Variants in DNM2 observed in about 807,000 individuals in gnomAD.
DNM2 encodes dynamin-2.
Under a neutral mutation model 99.0 loss-of-function variants are expected in DNM2, and 15 were observed. The ratio of observed to expected loss-of-function variants is 0.15; its 90% CI spans 0.10 to 0.23. The LOEUF is 0.23. Among genes scored for constraint, DNM2 ranks in the 10% least tolerant of loss-of-function variants. The pLI, the probability that DNM2 is intolerant of heterozygous loss-of-function variation, is 1.00. For synonymous variants in DNM2, 525 were observed against 481.2 expected (o/e 1.09, Z -1.19); for missense variants, 742 against 1,189.4 (o/e 0.62, Z 5.53).
At chr19:10,804,415 G>A (rs181998359) in intron 12 of DNM2, among the ~76,000 whole-genome samples, 11 of 152,268 alleles carry the variant, frequency 7.2e-5, no homozygotes, top group East Asian at 1.9e-4. Flanking sequence ...CAAGCCTGGC[G>A]CAGTGGCTCA....
chr19:10,793,984 G>A (rs889939909), intron 8 of DNM2, 129 bp downstream of exon 8: 1 of 1,479,116 alleles, frequency 6.8e-7, no homozygotes, highest in Non-Finnish European at 9.3e-7. Flanking sequence ...TGGTGGGCAG[G>A]GTGTGGCCTG....
intron 1 of DNM2, among the ~76,000 whole-genome samples, chr19:10,737,354 C>T (rs1195267810): frequency 3.3e-5 from 5 of 152,124 alleles, no homozygotes; most frequent in African/African-American, 1.2e-4. Context: ...TGCTTAAAAG[C>T]CTCCTTCTCA....
At chr19:10,797,543 G>A (rs750506699) in intron 10 of DNM2, 25 bp downstream of exon 10, 59 of 1,613,576 alleles carry the variant, frequency 3.7e-5, no homozygotes, top group Non-Finnish European at 4.8e-5. Flanking sequence ...TCTCATCTCC[G>A]CATTTGTCCC....
chr19:10,793,687 G>C, intron 7 of DNM2, 33 bp from the exon 8 acceptor site: 1 of 1,614,148 alleles, frequency 6.2e-7, no homozygotes, highest in South Asian at 1.1e-5. Flanking sequence ...GGAAACCTCC[G>C]TTTTGATGCT....
rs1196065802 is a variant in DNM2 at position 10,830,421 on chromosome 19, TG to T, written c.2543+47del. 3.8e-6 allele frequency: 6 copies of T among 1,595,350 alleles called. No homozygotes were observed. Among genetic ancestry groups the T allele is most frequent in the Admixed American group, 3.3e-5 (2 of 59,800 alleles). On this transcript the variant is annotated intron_variant, in intron 20 of 20. Transcript: ENST00000389253. This position sits in a 1 kb window ranked among gnomAD's most constrained non-coding sequence, Gnocchi z 4.8. Reference sequence around the variant, plus strand: ...CCCTCCACCCCAACTGCCTGCACCCTGGGGTCTCTCCTCCTGTCTCACTTCC... The same window carrying T: ...CCCTCCACCCCAACTGCCTGCACCCTGGGTCTCTCCTCCTGTCTCACTTCC...
At chr19:10,766,602 C>T (rs946643176) in intron 2 of DNM2, among the ~76,000 whole-genome samples, 2 of 151,860 alleles carry the variant, frequency 1.3e-5, no homozygotes, top group African/African-American at 2.4e-5. Context: ...TAAGCAGCTG[C>T]TGTATACGAG....
intron 1 of DNM2, among the ~76,000 whole-genome samples, chr19:10,758,404 TC>T: frequency 8.5e-6 from 1 of 118,046 alleles, no homozygotes; most frequent in East Asian, 2.7e-4. Flanking sequence ...CCTCCTTCCT[TC>T]CCTCCTTCCT....
chr19:10,814,106 T>C (rs2072650023), intron 15 of DNM2, among the ~76,000 whole-genome samples: 1 of 151,818 alleles, frequency 6.6e-6, no homozygotes, highest in African/African-American at 2.4e-5. Context: ...AGGTGGAGTT[T>C]GCAGGGAGCC....
rs147221962 is a variant in DNM2 at position 10,775,051 on chromosome 19, A to G, written c.386-652A>G. The stretch of plus-strand genomic sequence containing the variant: ...CTCCCAAAGTGCTGGGATGACAGGC[A>G]TGAGTCACCGCGCCTGGCCTCATCC... On this transcript the variant is annotated intron_variant, in intron 3 of 20. Transcript: ENST00000389253. This position sits in a 1 kb window ranked among gnomAD's most constrained non-coding sequence, Gnocchi z 4.3. 9.4e-4 allele frequency among the ~76,000 whole-genome samples: 140 copies of G among 149,558 alleles called. No individual in the cohort carries two copies. Among genetic ancestry groups the G allele is most frequent in the African/African-American group, 3.3e-3 (135 of 40,626 alleles).
At chr19:10,749,312 T>C (rs2070110838) in intron 1 of DNM2, among the ~76,000 whole-genome samples, 1 of 152,092 alleles carries the variant, frequency 6.6e-6, no homozygotes, top group Non-Finnish European at 1.5e-5. Flanking sequence ...AAACGGTAAA[T>C]AAACAGCCTG....
intron 1 of DNM2, among the ~76,000 whole-genome samples, chr19:10,749,691 A>G (rs941374950): frequency 3.9e-5 from 6 of 152,302 alleles, no homozygotes; most frequent in Non-Finnish European, 7.3e-5. Context: ...CCATTCAACA[A>G]ATACTTAATG....
chr19:10,796,225 C>G lies in DNM2; in HGVS notation c.1196+786C>G. On this transcript the variant is annotated intron_variant, in intron 9 of 20. Coordinates refer to ENST00000389253, the MANE Select transcript of DNM2 (RefSeq NM_001005361.3). The surrounding 1 kb of genome is among the most constrained non-coding windows in gnomAD (Gnocchi z 5.6). The stretch of plus-strand genomic sequence containing the variant: ...GTATTGCTCCCTCGGCAGGGTGACT[C>G]CTGACCTTGTGGAAACGGGGGTACG... 6.2e-7 allele frequency: 1 copy of G among 1,613,744 alleles called. No homozygotes were observed.
At chr19:10,779,263 CA>C (rs1401496306) in intron 5 of DNM2, among the ~76,000 whole-genome samples, 4 of 151,226 alleles carry the variant, frequency 2.6e-5, no homozygotes, top group African/African-American at 4.9e-5. Flanking sequence ...TTTATCGGAG[CA>C]GCAGTTTTAG....
At chr19:10,769,521 C>T (rs1013739591) in intron 2 of DNM2, 1 of 152,294 alleles carries the variant, frequency 6.6e-6, no homozygotes, top group African/African-American at 2.4e-5. Flanking sequence ...GTCCTTGCCA[C>T]CAGCCCATCT....
At chr19:10,746,736 T>TG (rs755289577) in intron 1 of DNM2, among the ~76,000 whole-genome samples, 6,263 of 137,496 alleles carry the variant, frequency 0.046, 474 homozygotes, top group East Asian at 0.3. Flanking sequence ...TGTTTTTTGT[T>TG]TTTTTTTTTT....
At position 10,795,030 on chromosome 19, in the gene DNM2, C is replaced by T. The variant is rs2071885200; in HGVS notation, c.1129-342C>T. ...GACCTTCCTGGGCTCGGATGATCCT[C>T]CCACCTCAGCCTCCCGAGTAGCTGG... is the stretch of plus-strand genomic sequence containing the variant. On this transcript the variant is annotated intron_variant, in intron 8 of 20. Transcript: ENST00000389253. The surrounding 1 kb of genome is among the most constrained non-coding windows in gnomAD (Gnocchi z 4.2). Among the ~76,000 whole-genome samples the T allele has an allele frequency of 6.6e-6, 1 of 152,136 alleles. No homozygotes were observed. Among genetic ancestry groups the T allele is most frequent in the Non-Finnish European group, 1.5e-5 (1 of 68,022 alleles).
At chr19:10,773,152 T>C (rs1034331360) in intron 3 of DNM2, among the ~76,000 whole-genome samples, 8 of 149,184 alleles carry the variant, frequency 5.4e-5, no homozygotes, top group East Asian at 2.0e-4. Context: ...GCTAATTTTT[T>C]TTTTTTTTTT....
chr19:10,800,364 A>T (rs926713679), intron 11 of DNM2, among the ~76,000 whole-genome samples: 9 of 152,190 alleles, frequency 5.9e-5, no homozygotes. Flanking sequence ...TCAGGGCACC[A>T]GTCCACCTAT....
rs370679244 is a variant in DNM2, at chr19:10,811,062, G to A, written c.1558-1202G>A. 1.3e-5 allele frequency: 2 copies of A among 152,594 alleles called. No homozygotes were observed. Among genetic ancestry groups the A allele is most frequent in the South Asian group, 2.1e-4 (1 of 4,874 alleles). 9.5% of individuals were successfully genotyped at this position (152,594 alleles called of 1,614,324 possible). A position where few individuals can be genotyped will look rare whatever the true frequency, so the allele number is the denominator to read the frequency against. On this transcript the variant is annotated intron_variant, in intron 14 of 20. Transcript: ENST00000389253. The surrounding 1 kb of genome is among the most constrained non-coding windows in gnomAD (Gnocchi z 5.4). Reference sequence around the variant, plus strand: ...TGCTCCAAACAACTGTGAGAGTCCTGTCTGCTCATCCCAGGGAGGGATAAG... The same window carrying A: ...TGCTCCAAACAACTGTGAGAGTCCTATCTGCTCATCCCAGGGAGGGATAAG...
Sources: allele counts gnomAD v4.1 joint callset (sites outside exome capture counted in the v4.1 genomes callset), GRCh38; gene constraint gnomAD v4.1.1; non-coding constraint Gnocchi (gnomAD v3.1); transcripts MANE v1.5; gene names NCBI Gene and HGNC (gene_info 2026-07-23, HGNC 2026-07-21).